CALCR: variants seen among roughly 807,000 people sequenced by gnomAD.
CALCR encodes the protein calcitonin receptor.
CALCR carries 47 observed loss-of-function variants against 59.5 expected under a neutral mutation model. The ratio of observed to expected loss-of-function variants is 0.79; its 90% confidence interval spans 0.63 to 1.01. The LOEUF (loss-of-function observed/expected upper bound fraction) is 1.01, where lower values mean the gene tolerates loss of function less well. Among genes scored for constraint, CALCR ranks in the 50% least tolerant of loss-of-function variants. The pLI, the probability that CALCR is intolerant of heterozygous loss-of-function variation, is 0.00. For synonymous variants in CALCR, 213 were observed against 211.3 expected (o/e 1.01, Z -0.07); for missense variants, 566 against 597.1 (o/e 0.95, Z 0.54).
At chr7:93,561,981 T>C (rs1028894845) in intron 2 of CALCR, among the ~76,000 whole-genome samples, 3 of 152,054 alleles carry the variant, frequency 2.0e-5, no homozygotes, top group African/African-American at 4.8e-5. Flanking sequence ...CTAAGCCTCA[T>C]CATTTCCTGG....
intron 2 of CALCR, among the ~76,000 whole-genome samples, chr7:93,571,525 C>T (rs895692053): frequency 1.3e-4 from 19 of 151,328 alleles, no homozygotes; most frequent in African/African-American, 4.4e-4. Flanking sequence ...ATTATGTGCC[C>T]AAATCACACA....
intron 3 of CALCR, chr7:93,483,956 T>C (rs1294138918): frequency 1.9e-6 from 1 of 515,002 alleles, no homozygotes; most frequent in East Asian, 5.6e-5. Flanking sequence ...AGCTGCCGTA[T>C]ATGTGATGTC....
intron 8 of CALCR, among the ~76,000 whole-genome samples, chr7:93,451,671 T>C (rs1584545815): frequency 6.6e-6 from 1 of 152,116 alleles, no homozygotes; most frequent in East Asian, 1.9e-4. Flanking sequence ...CCATGAGAAA[T>C]AATTTGAGAC....
chr7:93,534,091 G>A (rs1382651396), intron 2 of CALCR, among the ~76,000 whole-genome samples: 1 of 151,676 alleles, frequency 6.6e-6, no homozygotes, highest in Non-Finnish European at 1.5e-5. Flanking sequence ...GACTATAAAG[G>A]TTTTGTCAAT....
intron 6 of CALCR, among the ~76,000 whole-genome samples, chr7:93,471,506 C>T (rs1171761182): frequency 6.6e-6 from 1 of 151,818 alleles, no homozygotes. Context: ...CTTTTCTACA[C>T]CCTGAAAGCA....
chr7:93,468,837 A>C, intron 6 of CALCR, 31 bp from the exon 7 acceptor site: 3 of 1,230,042 alleles, frequency 2.4e-6, no homozygotes, highest in Non-Finnish European at 3.5e-6. Flanking sequence ...CAAACAAACA[A>C]TGAATGAATG....
chr7:93,539,068 C>T (rs1020302254), intron 2 of CALCR, among the ~76,000 whole-genome samples: 10 of 152,012 alleles, frequency 6.6e-5, no homozygotes, highest in Non-Finnish European at 1.0e-4. Context: ...ATGCTTTATT[C>T]GGTATATGAC....
intron 6 of CALCR, among the ~76,000 whole-genome samples, chr7:93,471,666 A>G (rs1187724947): frequency 6.6e-6 from 1 of 151,772 alleles, no homozygotes; most frequent in Non-Finnish European, 1.5e-5. Context: ...ACATTGACCA[A>G]CTGTAACTCC....
chr7:93,470,110 T>C (rs1800521246), intron 6 of CALCR, among the ~76,000 whole-genome samples: 1 of 151,784 alleles, frequency 6.6e-6, no homozygotes, highest in African/African-American at 2.4e-5. Flanking sequence ...GCATTCCATA[T>C]TTTTGGGGCA....
At chr7:93,545,244 A>G (rs570419082) in intron 2 of CALCR, among the ~76,000 whole-genome samples, 6 of 152,206 alleles carry the variant, frequency 3.9e-5, no homozygotes, top group East Asian at 1.9e-4. Context: ...TGACTTTCAC[A>G]TATGCTGTTG....
chr7:93,463,129 A>G (rs1800372888), intron 7 of CALCR, among the ~76,000 whole-genome samples: 1 of 151,928 alleles, frequency 6.6e-6, no homozygotes, highest in Non-Finnish European at 1.5e-5. Flanking sequence ...ACTTCATATC[A>G]TACTGAACAT....
chr7:93,460,599 A>ATATGTG (rs1800311790), intron 8 of CALCR, among the ~76,000 whole-genome samples: 1 of 136,090 alleles, frequency 7.3e-6, no homozygotes, highest in African/African-American at 2.9e-5. Context: ...ATATGTATAT[A>ATATGTG]TATATATATA....
intron 6 of CALCR, among the ~76,000 whole-genome samples, 200 bp from the exon 7 acceptor site, chr7:93,469,006 T>A (rs1800497551): frequency 2.0e-5 from 3 of 151,924 alleles, no homozygotes; most frequent in Non-Finnish European, 4.4e-5. Context: ...ATTGTCATTT[T>A]CAAAGAATAA....
At chr7:93,495,210 C>A (rs1324261271) in intron 2 of CALCR, among the ~76,000 whole-genome samples, 1 of 151,260 alleles carries the variant, frequency 6.6e-6, no homozygotes, top group African/African-American at 2.4e-5. Flanking sequence ...ATACAGAAGA[C>A]CTGCAACCAG....
At chr7:93,542,047 T>C (rs1468056648) in intron 2 of CALCR, among the ~76,000 whole-genome samples, 4 of 152,194 alleles carry the variant, frequency 2.6e-5, no homozygotes, top group Non-Finnish European at 4.4e-5. Context: ...AGTGACAATC[T>C]TTGCTGCCAT....
chr7:93,474,351 A>G (rs1800621277), intron 5 of CALCR, among the ~76,000 whole-genome samples: 1 of 151,640 alleles, frequency 6.6e-6, no homozygotes. Flanking sequence ...ATTTGGCTGG[A>G]TTGTCTAAAA....
intron 8 of CALCR, 40 bp from the exon 9 acceptor site, chr7:93,443,797 G>C: frequency 6.4e-7 from 1 of 1,573,904 alleles, no homozygotes; most frequent in Non-Finnish European, 8.7e-7. Context: ...AAAGACACAG[G>C]TAAAGATCTG....
chr7:93,456,226 G>A (rs1017394794), intron 8 of CALCR, among the ~76,000 whole-genome samples: 2 of 152,034 alleles, frequency 1.3e-5, no homozygotes, highest in Non-Finnish European at 2.9e-5. Context: ...AGGGACATGT[G>A]TTTCCAAATT....
chr7:93,520,003 AC>A (rs1801728594), intron 2 of CALCR, among the ~76,000 whole-genome samples: 1 of 152,148 alleles, frequency 6.6e-6, no homozygotes, highest in Admixed American at 6.6e-5. Context: ...ATAAACTGAT[AC>A]AGTCTATCTT....
Sources: allele counts gnomAD v4.1 joint callset (sites outside exome capture counted in the v4.1 genomes callset), GRCh38; gene constraint gnomAD v4.1.1; transcripts MANE v1.5; gene names NCBI Gene and HGNC (gene_info 2026-07-23, HGNC 2026-07-21).